Variants in EHBP1 observed in about 807,000 individuals in gnomAD.
EHBP1 encodes EH domain-binding protein 1.
EHBP1 carries 55 observed loss-of-function variants against 144.0 expected under a neutral mutation model. That is an observed-to-expected ratio of 0.38 (90% confidence interval 0.31 to 0.48). EHBP1 has a LOEUF of 0.48. Ranked by LOEUF, EHBP1 falls within the 20% of genes least tolerant of loss-of-function variation. The probability of loss-of-function intolerance (pLI) is 0.98; values close to 1 mark genes in which losing one functional copy is unlikely to be tolerated. For synonymous variants in EHBP1, 469 were observed against 472.7 expected, an observed-to-expected ratio of 0.99 and a Z score of 0.10; for missense variants, 1,200 against 1,364.2, an observed-to-expected ratio of 0.88 and a Z score of 1.90.
intron 18 of EHBP1, among the ~76,000 whole-genome samples, chr2:62,996,222 C>T (rs1026679639): frequency 3.3e-5 from 5 of 152,038 alleles, no homozygotes; most frequent in African/African-American, 1.2e-4. Context: ...CTTTCATGGT[C>T]AATTCCTTAC....
intron 10 of EHBP1, among the ~76,000 whole-genome samples, chr2:62,900,878 T>C (rs143569717): frequency 1.3e-4 from 20 of 152,232 alleles, no homozygotes; most frequent in Non-Finnish European, 2.6e-4. Context: ...GTATATCTTA[T>C]GTATTTGATT....
intron 10 of EHBP1, among the ~76,000 whole-genome samples, chr2:62,925,031 C>T (rs1317379579): frequency 6.6e-6 from 1 of 152,016 alleles, no homozygotes; most frequent in African/African-American, 2.4e-5. Context: ...GGAATTTAGC[C>T]CAAAAATGCA....
At chr2:62,917,176 T>C (rs1040256907) in intron 10 of EHBP1, among the ~76,000 whole-genome samples, 1 of 152,120 alleles carries the variant, frequency 6.6e-6, no homozygotes, top group Non-Finnish European at 1.5e-5. Context: ...CCACAGGCAA[T>C]TGTAACACAA....
At chr2:62,730,625 A>T (rs2037415931) in intron 2 of EHBP1, among the ~76,000 whole-genome samples, 2 of 149,188 alleles carry the variant, frequency 1.3e-5, no homozygotes, top group South Asian at 2.1e-4. Flanking sequence ...CTTTTTTTTT[A>T]GAGAGAGAGA....
chr2:62,677,930 G>A (rs986037855), intron 1 of EHBP1, among the ~76,000 whole-genome samples: 3 of 152,216 alleles, frequency 2.0e-5, no homozygotes, highest in Non-Finnish European at 2.9e-5. Flanking sequence ...TGTGAACACT[G>A]CTGCAATAAA....
intron 10 of EHBP1, among the ~76,000 whole-genome samples, chr2:62,909,372 C>A (rs1441497588): frequency 6.6e-6 from 1 of 152,112 alleles, no homozygotes; most frequent in Non-Finnish European, 1.5e-5. Flanking sequence ...TAGAAGAGAT[C>A]AGGTTTCGCC....
chr2:62,835,851 A>G (rs2047189728), intron 7 of EHBP1, among the ~76,000 whole-genome samples: 1 of 152,122 alleles, frequency 6.6e-6, no homozygotes, highest in Admixed American at 6.5e-5. Context: ...ACGCCCACGG[A>G]ATCTGGCTGA....
intron 10 of EHBP1, among the ~76,000 whole-genome samples, chr2:62,936,003 G>A (rs2056361435): frequency 1.3e-5 from 2 of 152,110 alleles, no homozygotes; most frequent in South Asian, 4.1e-4. Flanking sequence ...ATTTGTTCAA[G>A]ACGTGTTATC....
chr2:62,978,516 A>G (rs951742281), intron 14 of EHBP1, among the ~76,000 whole-genome samples: 1 of 152,026 alleles, frequency 6.6e-6, no homozygotes, highest in African/African-American at 2.4e-5. Flanking sequence ...TCCTTTTTTT[A>G]GTAGTCAACA....
At chr2:62,808,925 C>G (rs1165497555) in intron 5 of EHBP1, among the ~76,000 whole-genome samples, 1 of 152,100 alleles carries the variant, frequency 6.6e-6, no homozygotes, top group Non-Finnish European at 1.5e-5. Context: ...TTCTCTTCTC[C>G]CAGGTTAGAC....
At chr2:62,820,386 T>G (rs2045839012) in intron 5 of EHBP1, among the ~76,000 whole-genome samples, 1 of 151,974 alleles carries the variant, frequency 6.6e-6, no homozygotes, top group Admixed American at 6.6e-5. Context: ...ATTTATCATT[T>G]CAGACATCTT....
At chr2:63,000,706 A>G (rs188286554) in intron 19 of EHBP1, among the ~76,000 whole-genome samples, 1 of 152,126 alleles carries the variant, frequency 6.6e-6, no homozygotes, top group South Asian at 2.1e-4. Context: ...TCTCAAAACA[A>G]CAACAACAAC....
intron 14 of EHBP1, among the ~76,000 whole-genome samples, chr2:62,957,242 T>A (rs1046566333): frequency 1.3e-5 from 2 of 151,784 alleles, no homozygotes; most frequent in African/African-American, 4.8e-5. Context: ...TAAAGAAAAA[T>A]CAAGCAGATA....
intron 14 of EHBP1, among the ~76,000 whole-genome samples, chr2:62,975,924 A>T (rs1387500662): frequency 6.6e-6 from 1 of 151,568 alleles, no homozygotes; most frequent in African/African-American, 2.4e-5. Flanking sequence ...ACACACACAC[A>T]CACACACACA....
intron 14 of EHBP1, among the ~76,000 whole-genome samples, chr2:62,973,475 T>C (rs2058581303): frequency 6.6e-6 from 1 of 152,166 alleles, no homozygotes; most frequent in Non-Finnish European, 1.5e-5. Context: ...GGCTCTGGAG[T>C]GAAACAGACC....
intron 10 of EHBP1, among the ~76,000 whole-genome samples, chr2:62,924,721 C>A (rs978792690): frequency 1.3e-5 from 2 of 152,150 alleles, no homozygotes; most frequent in Non-Finnish European, 2.9e-5. Context: ...AGTATTCCAA[C>A]AATGTAAAGT....
chr2:62,859,222 G>A lies in EHBP1; in HGVS notation c.688G>A (p.Val230Met), dbSNP rs143488686. 6.3e-5 allele frequency: 102 copies of A among 1,610,982 alleles called. No individual in the cohort carries two copies. The Middle Eastern group carries it at 6.6e-4, about 10-fold the overall frequency. Residue 230 changes from valine to methionine, a missense_variant, in exon 8 of 23, where the codon GTG (valine) becomes ATG (methionine). This residue lies in a region of EHBP1 where 266 missense variants were observed against 262.4 expected (regional missense o/e 1.01). Transcript: ENST00000431489. Reference sequence around the variant, plus strand: ...TGAAGCAGAAAAGGACTTGGCCACCGTGAATTCAAATCCATTTGATGATCC... The same window carrying A: ...TGAAGCAGAAAAGGACTTGGCCACCATGAATTCAAATCCATTTGATGATCC... ...LDEAEKDLAT[V>M]NSNPFDDPDA...
intron 10 of EHBP1, among the ~76,000 whole-genome samples, chr2:62,932,364 A>G (rs910088831): frequency 6.6e-6 from 1 of 152,162 alleles, no homozygotes; most frequent in African/African-American, 2.4e-5. Context: ...AATGTGGTAT[A>G]TATCTGCAGT....
chr2:63,037,560 T>A lies in EHBP1; in HGVS notation c.3129T>A (p.Ala1043=). ...GAAGGAACACAGAAGAAGAAGAAGCTATGATGCAGGAATGGTTTATGTTAG... is the reference window on the plus strand; with the variant it reads ...GAAGGAACACAGAAGAAGAAGAAGCAATGATGCAGGAATGGTTTATGTTAG... ...DTGRNTEEEE[A]MMQEWFMLVN... The change falls in exon 20 of 23, where the codon GCT becomes GCA. Residue 1043 remains alanine, a synonymous_variant. Transcript: ENST00000431489. The A allele has an allele frequency of 6.2e-7, 1 of 1,607,506 alleles. No homozygotes were observed. Among genetic ancestry groups the A allele is most frequent in the Non-Finnish European group, 8.5e-7 (1 of 1,176,616 alleles).
Sources: gnomAD v4.1 joint callset for allele counts (sites outside exome capture counted in the v4.1 genomes callset) on GRCh38, gnomAD v4.1.1 for gene constraint, gnomAD v4.1.1 regional missense constraint, MANE v1.5 for transcripts, NCBI Gene and HGNC (gene_info 2026-07-23, HGNC 2026-07-21) for gene names.